MANBA: variants seen among roughly 807,000 people sequenced by gnomAD.
MANBA encodes beta-mannosidase.
MANBA carries 83 observed loss-of-function variants against 111.1 expected under a neutral mutation model. The ratio of observed to expected loss-of-function variants is 0.75; its 90% CI spans 0.63 to 0.90. The LOEUF is 0.90. Among genes scored for constraint, MANBA ranks in the 40% least tolerant of loss-of-function variants. MANBA has a pLI of 0.00. For synonymous variants in MANBA, 370 were observed against 378.7 expected, an observed-to-expected ratio of 0.98 and a Z score of 0.27; for missense variants, 1,036 against 1,069.0, an observed-to-expected ratio of 0.97 and a Z score of 0.43.
chr4:102,722,768 T>C, intron 4 of MANBA, 103 bp downstream of exon 4: 1 of 1,206,286 alleles, frequency 8.3e-7, no homozygotes, highest in Non-Finnish European at 1.2e-6. Context: ...AGGAAAGAGA[T>C]TCCTAACTTC....
At position 102,673,925 on chromosome 4, in the gene MANBA, G is replaced by A. The variant is rs1245003808; in HGVS notation, c.1106C>T (p.Ser369Phe). The part of the protein sequence containing the change: ...PADSFQDRVT[S>F]ELLRLLLQSV... ...AAGAAAGACAATAACTTACAACTCA[G>A]AGGTTACTCGGTCCTGGAATGAATC... is the stretch of plus-strand genomic sequence containing the variant. Residue 369 changes from serine (S) to phenylalanine (F), a missense_variant, in exon 8 of 17, where the codon TCT becomes TTT. Ser to Phe is a radical substitution (Grantham distance 155). Transcript: ENST00000647097. The A allele has an allele frequency of 6.2e-7, 1 of 1,609,568 alleles. No individual in the cohort carries two copies. The highest frequency in any genetic ancestry group is 1.7e-5 in the Admixed American group (1 of 60,006).
intron 1 of MANBA, among the ~76,000 whole-genome samples, chr4:102,759,566 G>GA (rs33991375): frequency 1.5e-3 from 210 of 138,776 alleles, no homozygotes; most frequent in Non-Finnish European, 2.2e-3. Context: ...CACATCTCAG[G>GA]AAAAAAAAAA....
chr4:102,635,391 G>T (rs1729578891), intron 15 of MANBA, among the ~76,000 whole-genome samples: 1 of 152,128 alleles, frequency 6.6e-6, no homozygotes, highest in African/African-American at 2.4e-5. Flanking sequence ...AGCCACCTAA[G>T]ACTTTGAGTT....
At position 102,711,605 on chromosome 4, in the gene MANBA, A is replaced by T. The variant is rs533067840; in HGVS notation, c.673+2833T>A. On this transcript the variant is annotated intron_variant, in intron 5 of 16. Coordinates refer to ENST00000647097, the MANE Select transcript of MANBA (RefSeq NM_005908.4). ...CATACAATCCAAGAATCCCACTAAT[A>T]GGTAACTATCCACAGAAAAAGAAAT... Among the ~76,000 whole-genome samples the T allele has an allele frequency of 2.0e-5, 3 of 152,318 alleles. No individual in the cohort carries two copies. In the South Asian group the frequency reaches 6.2e-4, roughly 32 times the overall value.
chr4:102,643,863 G>A (rs967670263), intron 13 of MANBA, among the ~76,000 whole-genome samples: 2 of 152,130 alleles, frequency 1.3e-5, no homozygotes, highest in East Asian at 3.9e-4. Flanking sequence ...TCTCGATAGC[G>A]TCTTTTGCCA....
intron 1 of MANBA, among the ~76,000 whole-genome samples, chr4:102,749,636 T>C (rs1326512478): frequency 6.6e-6 from 1 of 152,212 alleles, no homozygotes. Context: ...TGCTCCACCA[T>C]CCATTATATG....
chr4:102,680,583 A>G (rs1166554078), intron 7 of MANBA, among the ~76,000 whole-genome samples: 1 of 130,822 alleles, frequency 7.6e-6, no homozygotes, highest in Non-Finnish European at 1.5e-5. Flanking sequence ...CCAAAGTTCT[A>G]AAAAAAAAAA....
In MANBA at chr4:102,671,417, A is replaced by G; in HGVS notation, c.1113-19T>C. ...CCGTAACCTGTAGAAGACATTTTAG[A>G]AACAAATCATAATTTGGAAAAAAAA... On this transcript the variant is annotated intron_variant, in intron 8 of 16. Coordinates refer to ENST00000647097, the MANE Select transcript of MANBA (RefSeq NM_005908.4). 7.0e-7 allele frequency: 1 copy of G among 1,433,760 alleles called. No homozygotes were observed. 88.8% of individuals were successfully genotyped at this position (1,433,760 alleles called of 1,614,324 possible).
chr4:102,657,392 G>A lies in MANBA; in HGVS notation c.1704+290C>T, dbSNP rs112295499. 9.4e-4 allele frequency among the ~76,000 whole-genome samples: 143 copies of A among 152,306 alleles called. 1 individual carries two copies. Among genetic ancestry groups the A allele is most frequent in the African/African-American group, 3.3e-3 (137 of 41,568 alleles). On this transcript the variant is annotated intron_variant, in intron 12 of 16. Coordinates refer to ENST00000647097, the MANE Select transcript of MANBA (RefSeq NM_005908.4). ...AACAGTTGCAGGATATGATTTACAA[G>A]CAAGAGTTATTGTAGCAAGTAAGAG...
In MANBA at chr4:102,632,250, A is replaced by G; in HGVS notation, c.2447T>C (p.Val816Ala). 1.9e-6 allele frequency: 3 copies of G among 1,613,496 alleles called. No individual in the cohort carries two copies. Among genetic ancestry groups the G allele is most frequent in the Non-Finnish European group, 1.7e-6 (2 of 1,179,578 alleles). Residue 816 changes from valine (V) to alanine (A), a missense_variant, in exon 17 of 17, where the codon GTT becomes GCT. By Grantham distance (64) the Val-to-Ala change is moderately conservative. Coordinates refer to ENST00000647097, the MANE Select transcript of MANBA (RefSeq NM_005908.4). Reference sequence around the variant, plus strand: ...GACAGCTGAGGTCTCCAGGTCAAAAACAAATATGTCACCTTGCTGAGAGAT... The same window carrying G: ...GACAGCTGAGGTCTCCAGGTCAAAAGCAAATATGTCACCTTGCTGAGAGAT... ...AIISQQGDIF[V>A]FDLETSAVAP... is the part of the protein sequence containing the mutation.
intron 2 of MANBA, among the ~76,000 whole-genome samples, chr4:102,725,350 T>C (rs1413835914): frequency 6.6e-6 from 1 of 152,094 alleles, no homozygotes; most frequent in African/African-American, 2.4e-5. Context: ...AGGAACCCCT[T>C]ACCCCTGCAA....
chr4:102,642,414 T>C (rs760573783), intron 13 of MANBA, among the ~76,000 whole-genome samples: 2 of 152,292 alleles, frequency 1.3e-5, no homozygotes, highest in East Asian at 1.9e-4. Context: ...GAGATCATCC[T>C]GGCTAACACG....
intron 4 of MANBA, among the ~76,000 whole-genome samples, chr4:102,717,289 A>G (rs1722377021): frequency 6.6e-6 from 1 of 151,434 alleles, no homozygotes; most frequent in African/African-American, 2.4e-5. Flanking sequence ...AAGTATAATG[A>G]GTTTTACAAT....
At chr4:102,751,965 T>C in intron 1 of MANBA, 1 of 705,866 alleles carries the variant, frequency 1.4e-6, no homozygotes, top group Non-Finnish European at 2.7e-6. Context: ...GAGGTCATGC[T>C]GGAAGTGCAG....
intron 13 of MANBA, among the ~76,000 whole-genome samples, chr4:102,645,238 A>G (rs1730052057): frequency 6.6e-6 from 1 of 152,002 alleles, no homozygotes; most frequent in South Asian, 2.1e-4. Flanking sequence ...AATCCTTTGT[A>G]TATGCTGCTG....
At position 102,731,069 on chromosome 4, in the gene MANBA, T is replaced by C. The variant is rs183029401; in HGVS notation, c.178-4386A>G. Among the ~76,000 whole-genome samples, 3 of 152,238 alleles carry C rather than the reference T, an allele frequency of 2.0e-5. No individual in the cohort carries two copies. In the East Asian group the frequency reaches 5.8e-4, roughly 29 times the overall value. On this transcript the variant is annotated intron_variant, in intron 1 of 16. Coordinates refer to ENST00000647097, the MANE Select transcript of MANBA (RefSeq NM_005908.4). ...AGCCCAAGGGGGAGTAGCACAGAGA[T>C]AGGGACTGCGTTGAGGATAAAAACC...
chr4:102,712,887 G>A (rs535956874), intron 5 of MANBA, among the ~76,000 whole-genome samples: 403 of 152,248 alleles, frequency 2.6e-3, no homozygotes, highest in African/African-American at 7.7e-3. Flanking sequence ...ATGGGTGGTA[G>A]CATGGGATGA....
At chr4:102,756,491 G>A (rs188758240) in intron 1 of MANBA, among the ~76,000 whole-genome samples, 337 of 152,168 alleles carry the variant, frequency 2.2e-3, no homozygotes, top group Middle Eastern at 6.8e-3. Context: ...GGGGCTGGGG[G>A]AGGGATAGCA....
chr4:102,664,321 T>C (rs1371975262), intron 11 of MANBA, among the ~76,000 whole-genome samples: 1 of 152,008 alleles, frequency 6.6e-6, no homozygotes, highest in Non-Finnish European at 1.5e-5. Context: ...ACTATACCAG[T>C]ATTCAAACTT....
Sources: allele counts gnomAD v4.1 joint callset (sites outside exome capture counted in the v4.1 genomes callset), GRCh38; gene constraint gnomAD v4.1.1; transcripts MANE v1.5; gene names NCBI Gene and HGNC (gene_info 2026-07-23, HGNC 2026-07-21).